DCLK1: variants seen among roughly 807,000 people sequenced by gnomAD.
DCLK1 encodes the protein doublecortin like kinase 1, also known as serine/threonine-protein kinase DCLK1.
A neutral mutation model predicts 86.2 loss-of-function variants in DCLK1; 16 were observed. The observed-to-expected ratio is 0.19, with a 90% CI of 0.13 to 0.28. The LOEUF (loss-of-function observed/expected upper bound fraction) is 0.28, where lower values mean the gene tolerates loss of function less well. DCLK1 is among the 10% of genes least tolerant of loss of function. The probability of loss-of-function intolerance (pLI) is 1.00; values close to 1 mark genes in which losing one functional copy is unlikely to be tolerated. For missense variants in DCLK1, 590 were observed against 940.2 expected, an observed-to-expected ratio of 0.63 and a Z score of 4.87; for synonymous variants, 369 against 370.5, an observed-to-expected ratio of 1.00 and a Z score of 0.05.
At chr13:35,860,417 G>T (rs1355640201) in intron 5 of DCLK1, among the ~76,000 whole-genome samples, 1 of 151,958 alleles carries the variant, frequency 6.6e-6, no homozygotes, top group Non-Finnish European at 1.5e-5. Context: ...AGCTTCTTGG[G>T]TGCTCACCTC....
chr13:35,905,240 G>A (rs1166581446), intron 4 of DCLK1, among the ~76,000 whole-genome samples: 1 of 152,200 alleles, frequency 6.6e-6, no homozygotes, highest in Non-Finnish European at 1.5e-5. Flanking sequence ...ATTGCCATTG[G>A]ATAAACATTG....
intron 2 of DCLK1, among the ~76,000 whole-genome samples, chr13:36,116,200 T>C (rs1485895355): frequency 1.3e-5 from 2 of 152,038 alleles, no homozygotes; most frequent in African/African-American, 4.8e-5. Flanking sequence ...TCCGCCCACC[T>C]CAGCCTCCCA....
intron 3 of DCLK1, among the ~76,000 whole-genome samples, chr13:35,954,906 C>A (rs893592313): frequency 1.3e-5 from 2 of 151,990 alleles, no homozygotes; most frequent in Admixed American, 1.3e-4. Flanking sequence ...AACTAACAGG[C>A]TGATGCTTAA....
At chr13:36,087,926 G>A (rs954211888) in intron 3 of DCLK1, among the ~76,000 whole-genome samples, 1 of 152,210 alleles carries the variant, frequency 6.6e-6, no homozygotes, top group African/African-American at 2.4e-5. Flanking sequence ...TACCAAAAAT[G>A]TTAAGGAAGT....
chr13:35,861,979 C>T lies in DCLK1; in HGVS notation c.941-7386G>A, dbSNP rs186855710. Among the ~76,000 whole-genome samples the T allele has an allele frequency of 3.5e-3, 461 of 132,728 alleles. 7 individuals are homozygous for T. The Admixed American group carries it at 0.039, about 11-fold the overall frequency. 87.1% of individuals were successfully genotyped at this position (132,728 alleles called of 152,430 possible). ...CCCAGGAGGCGGAGCTAGCAGTGAG[C>T]GGAGATTGCGCCCACCGCACTCCAG... On this transcript the variant is annotated intron_variant, in intron 5 of 16. Coordinates refer to ENST00000360631, the MANE Select transcript of DCLK1 (RefSeq NM_001330071.2).
chr13:35,978,004 A>G (rs1469286977), intron 3 of DCLK1, among the ~76,000 whole-genome samples: 1 of 152,154 alleles, frequency 6.6e-6, no homozygotes. Context: ...GACTGGGTAG[A>G]TAATAAGCAG....
At chr13:35,849,658 A>C (rs531524298) in intron 6 of DCLK1, 2 of 983,792 alleles carry the variant, frequency 2.0e-6, no homozygotes, top group Non-Finnish European at 2.4e-6. Flanking sequence ...AATGTTTAAC[A>C]ATGGGTTATA....
chr13:36,077,940 G>C (rs899673210), intron 3 of DCLK1, among the ~76,000 whole-genome samples: 1 of 152,152 alleles, frequency 6.6e-6, no homozygotes, highest in African/African-American at 2.4e-5. Context: ...ATAATCATTG[G>C]ATTTTCTCAC....
chr13:36,108,618 C>T (rs1885492566), intron 3 of DCLK1, among the ~76,000 whole-genome samples: 1 of 152,228 alleles, frequency 6.6e-6, no homozygotes, highest in Admixed American at 6.5e-5. Flanking sequence ...GCCATGGATA[C>T]ATCTGTAGGC....
At chr13:36,028,527 C>A (rs1882134863) in intron 3 of DCLK1, among the ~76,000 whole-genome samples, 1 of 152,184 alleles carries the variant, frequency 6.6e-6, no homozygotes, top group African/African-American at 2.4e-5. Flanking sequence ...TCCTCCCGCC[C>A]TCCAGGCTGT....
chr13:35,943,051 C>T (rs1285815951), intron 4 of DCLK1, among the ~76,000 whole-genome samples: 1 of 152,134 alleles, frequency 6.6e-6, no homozygotes, highest in East Asian at 1.9e-4. Context: ...ATCCTGGTAC[C>T]TTTGAATGAA....
intron 4 of DCLK1, among the ~76,000 whole-genome samples, chr13:35,928,304 G>T (rs912166259): frequency 2.0e-5 from 3 of 152,120 alleles, no homozygotes; most frequent in Admixed American, 1.3e-4. Context: ...CAGCACTGCG[G>T]CCTGCCTGCC....
intron 4 of DCLK1, among the ~76,000 whole-genome samples, chr13:35,878,449 G>A (rs532088783): frequency 1.2e-4 from 19 of 152,046 alleles, no homozygotes; most frequent in Non-Finnish European, 2.2e-4. Flanking sequence ...AGCTCCACAC[G>A]CAGCACGTCT....
chr13:36,090,116 CAT>C (rs1271375687), intron 3 of DCLK1, among the ~76,000 whole-genome samples: 1 of 152,166 alleles, frequency 6.6e-6, no homozygotes. Flanking sequence ...AGTGGGGTGA[CAT>C]AACAGTTGTA....
chr13:35,793,360 G>T lies in DCLK1; in HGVS notation c.2058+6C>A. On this transcript the variant is annotated splice_donor_region_variant and intron_variant, in intron 16 of 16. Coordinates refer to ENST00000360631, the MANE Select transcript of DCLK1 (RefSeq NM_001330071.2). ...AAAGTTATAGGTGGATATTTCAGAT[G>T]CTTACTGCTATGACAGAAACTCCAG... The T allele has an allele frequency of 6.2e-7, 1 of 1,600,622 alleles. No homozygotes were observed. The highest frequency in any genetic ancestry group is 8.5e-7 in the Non-Finnish European group (1 of 1,174,040).
intron 6 of DCLK1, chr13:35,848,146 G>T: frequency 1.0e-6 from 1 of 985,276 alleles, no homozygotes; most frequent in Non-Finnish European, 1.2e-6. Context: ...ATTATCATTA[G>T]GACAAAACTG....
chr13:35,960,905 T>C (rs1333412163), intron 3 of DCLK1, among the ~76,000 whole-genome samples: 1 of 152,266 alleles, frequency 6.6e-6, no homozygotes, highest in East Asian at 1.9e-4. Flanking sequence ...TACGATGTCA[T>C]GATTGGCTCT....
chr13:36,106,320 T>G (rs1427137289), intron 3 of DCLK1, among the ~76,000 whole-genome samples: 2 of 152,184 alleles, frequency 1.3e-5, no homozygotes, highest in Non-Finnish European at 2.9e-5. Flanking sequence ...AATAGTACAT[T>G]CTATTCTGAA....
rs188713746 is a variant in DCLK1, at chr13:35,987,407, T to A, written c.724-39950A>T. ...TGTAGACAGCCTTAGTGAAGAGAAA[T>A]GCCTTAATTTTCTACTGAGAGCAGT... On this transcript the variant is annotated intron_variant, in intron 3 of 16. Transcript: ENST00000360631. 5.9e-4 allele frequency among the ~76,000 whole-genome samples: 90 copies of A among 152,176 alleles called. 1 individual carries two copies. The East Asian group carries it at 0.017, about 29-fold the overall frequency.
Sources: allele counts gnomAD v4.1 joint callset (sites outside exome capture counted in the v4.1 genomes callset), GRCh38; gene constraint gnomAD v4.1.1; transcripts MANE v1.5; gene names NCBI Gene and HGNC (gene_info 2026-07-23, HGNC 2026-07-21).